Variants in MEST observed in about 807,000 individuals in gnomAD.
MEST encodes mesoderm-specific transcript homolog protein.
MEST carries 18 observed loss-of-function variants against 50.9 expected under a neutral mutation model. The ratio of observed to expected loss-of-function variants is 0.35; its 90% CI spans 0.24 to 0.52. MEST has a LOEUF of 0.52. Among genes scored for constraint, MEST ranks in the 20% least tolerant of loss-of-function variants. MEST has a pLI of 0.94. For missense variants in MEST, 282 were observed against 425.3 expected, an observed-to-expected ratio of 0.66 and a Z score of 2.96; for synonymous variants, 130 against 154.1, an observed-to-expected ratio of 0.84 and a Z score of 1.16.
At chr7:130,493,299 G>A (rs1563019974) in intron 1 of MEST, 1 of 152,108 alleles carries the variant, frequency 6.6e-6, no homozygotes, top group Non-Finnish European at 1.5e-5. Flanking sequence ...TTACGGGAGT[G>A]TGTTTTTCTG....
Position 130,500,593 on chromosome 7 carries a change from C to T in MEST, c.647+61C>T, listed in dbSNP as rs1403348863. 2 of 1,497,080 alleles carry T rather than the reference C, an allele frequency of 1.3e-6. No homozygotes were observed. Among genetic ancestry groups the T allele is most frequent in the African/African-American group, 2.8e-5 (2 of 72,636 alleles). 92.7% of individuals were successfully genotyped at this position (1,497,080 alleles called of 1,614,324 possible). A position where few individuals can be genotyped will look rare whatever the true frequency, so the allele number is the denominator to read the frequency against. Reference sequence around the variant, plus strand: ...ATGTCGTGAAAAGTTGCTGCCATTACAATTCTGGGCCAAATCCTAAGGCTT... The same window carrying T: ...ATGTCGTGAAAAGTTGCTGCCATTATAATTCTGGGCCAAATCCTAAGGCTT... On this transcript the variant is annotated intron_variant, in intron 8 of 11. Transcript: ENST00000223215. This position sits in a 1 kb window ranked among gnomAD's most constrained non-coding sequence, Gnocchi z 5.0.
chr7:130,494,662 A>C, intron 1 of MEST: 2 of 158,308 alleles, frequency 1.3e-5, no homozygotes, highest in South Asian at 2.0e-4. Flanking sequence ...TGACCTCTCA[A>C]GAGATTAGAT....
upstream of MEST, chr7:130,488,426 C>T (rs1377207825): frequency 6.6e-6 from 1 of 152,266 alleles, no homozygotes; most frequent in East Asian, 1.9e-4. Flanking sequence ...ACATTTCCTT[C>T]TTCTACTTAC....
At chr7:130,503,367 G>A (rs1181548185) in intron 10 of MEST, among the ~76,000 whole-genome samples, 1 of 152,196 alleles carries the variant, frequency 6.6e-6, no homozygotes, top group Non-Finnish European at 1.5e-5. Context: ...TTTGGTCCAG[G>A]GTGCAGGAGA....
At chr7:130,493,131 TA>T (rs1422237168) in intron 1 of MEST, 137 of 152,254 alleles carry the variant, frequency 9.0e-4, no homozygotes, top group African/African-American at 3.1e-3. Context: ...TCAGCCGCCT[TA>T]AGTATTTTTC....
Position 130,500,904 on chromosome 7 carries a change from C to G in MEST, c.749+14C>G, listed in dbSNP as rs1442317544. The G allele has an allele frequency of 4.4e-6, 7 of 1,608,338 alleles. No homozygotes were observed. In the East Asian group the frequency reaches 1.3e-4, roughly 31 times the overall value. On this transcript the variant is annotated intron_variant, in intron 9 of 11. Coordinates refer to ENST00000223215, the MANE Select transcript of MEST (RefSeq NM_002402.4). This position sits in a 1 kb window ranked among gnomAD's most constrained non-coding sequence, Gnocchi z 5.0. ...AGTCATTGACAGGTAAGAAGTTACC[C>G]TTTGCTTTGGTTTCCAGAGACGTGT...
Position 130,500,492 on chromosome 7 carries a change from A to G in MEST, c.607A>G (p.Ile203Val). The G allele has an allele frequency of 6.2e-7, 1 of 1,613,840 alleles. No individual in the cohort carries two copies. The highest frequency in any genetic ancestry group is 8.5e-7 in the Non-Finnish European group (1 of 1,179,936). ...LLKDGGVLSP[I>V]LTRLMNFFVF... is the part of the protein sequence containing the mutation. ...CAAAGATGGAGGTGTGCTGTCACCC[A>G]TCCTCACACGACTGATGAACTTCTT... The change falls in exon 8 of 12, where the codon ATC (isoleucine) becomes GTC (valine). Residue 203 changes from isoleucine (I) to valine (V), a missense_variant. Coordinates refer to ENST00000223215, the MANE Select transcript of MEST (RefSeq NM_002402.4). The surrounding 1 kb of genome is among the most constrained non-coding windows in gnomAD (Gnocchi z 5.0).
At position 130,500,794 on chromosome 7, in the gene MEST, C is replaced by A; in HGVS notation, c.653C>A (p.Thr218Asn). 3 of 1,610,118 alleles carry A rather than the reference C, an allele frequency of 1.9e-6. No homozygotes were observed. Among genetic ancestry groups the A allele is most frequent in the African/African-American group, 1.3e-5 (1 of 74,772 alleles). The change falls in exon 9 of 12, where the codon ACC (threonine) becomes AAC (asparagine). Residue 218 changes from threonine (T) to asparagine (N), a missense_variant. Physicochemically the swap from Thr to Asn is moderately conservative, Grantham distance 65. Coordinates refer to ENST00000223215, the MANE Select transcript of MEST (RefSeq NM_002402.4). This position sits in a 1 kb window ranked among gnomAD's most constrained non-coding sequence, Gnocchi z 5.0. ...MNFFVFSRGL[T>N]PVFGPYTRPS... ...TGCGTTTTGGACTCTTTCAGTCTCA[C>A]CCCAGTCTTTGGGCCGTATACTCGG...
At position 130,497,651 on chromosome 7, in the gene MEST, A is replaced by G. The variant is rs1194318518; in HGVS notation, c.262-285A>G. 9 of 389,814 alleles carry G rather than the reference A, an allele frequency of 2.3e-5. No individual in the cohort carries two copies. In the East Asian group the frequency reaches 4.1e-4, roughly 18 times the overall value. 24.1% of individuals were successfully genotyped at this position (389,814 alleles called of 1,614,324 possible). A position where few individuals can be genotyped will look rare whatever the true frequency, so the allele number is the denominator to read the frequency against. On this transcript the variant is annotated intron_variant, in intron 3 of 11. Transcript: ENST00000223215. This position sits in a 1 kb window ranked among gnomAD's most constrained non-coding sequence, Gnocchi z 4.0. Reference sequence around the variant, plus strand: ...TTGCACATTTGAATTGCTTTTAAAAAAACATTAAATGTTGAACTGTTCCTT... The same window carrying G: ...TTGCACATTTGAATTGCTTTTAAAAGAACATTAAATGTTGAACTGTTCCTT...
intron 6 of MEST, chr7:130,498,745 CAT>C (rs1314783685): frequency 3.6e-6 from 2 of 548,022 alleles, no homozygotes; most frequent in East Asian, 3.1e-5. Context: ...ATTATAGTCA[CAT>C]GTGCTTTTTC....
intron 10 of MEST, among the ~76,000 whole-genome samples, chr7:130,503,319 C>A (rs536169459): frequency 2.6e-5 from 4 of 152,130 alleles, no homozygotes; most frequent in Admixed American, 6.5e-5. Context: ...ATGATAGTAT[C>A]CTGGACTTAG....
chr7:130,492,008 A>T (rs1554435377), upstream of MEST: 3 of 132,806 alleles, frequency 2.3e-5, no homozygotes. This position sits in a 1 kb window ranked among gnomAD's most constrained non-coding sequence, Gnocchi z 7.6. Flanking sequence ...AGCAGGCGGT[A>T]GGGGTTCTGC....
chr7:130,498,620 C>G (rs1799160559), intron 6 of MEST, 143 bp downstream of exon 6: 1 of 747,460 alleles, frequency 1.3e-6, no homozygotes, highest in Admixed American at 2.4e-5. Flanking sequence ...GTGCCATCAA[C>G]TCCTTTGGTG....
At chr7:130,496,635 T>C (rs1349927050) in intron 2 of MEST, 1 of 165,556 alleles carries the variant, frequency 6.0e-6, no homozygotes, top group Non-Finnish European at 1.3e-5. Context: ...GATTTTGTAA[T>C]AGTTTTATTA....
rs1022863894 is a variant in MEST, at chr7:130,498,533, G to T, written c.535+56G>T. 2.1e-6 allele frequency: 3 copies of T among 1,456,368 alleles called. No individual in the cohort carries two copies. In the African/African-American group the frequency reaches 4.2e-5, roughly 20 times the overall value. 90.2% of individuals were successfully genotyped at this position (1,456,368 alleles called of 1,614,324 possible). ...GTGTAATCTAGAAGGGCCATCTTTA[G>T]ATACAGCGGCACCTAAATGGTAATC... On this transcript the variant is annotated intron_variant, in intron 6 of 11. Coordinates refer to ENST00000223215, the MANE Select transcript of MEST (RefSeq NM_002402.4).
At chr7:130,494,869 ACTC>A (rs1489359370) in intron 1 of MEST, 2 of 976,192 alleles carry the variant, frequency 2.0e-6, no homozygotes, top group African/African-American at 3.5e-5. Flanking sequence ...ACACACACAC[ACTC>A]TTTAAAACAT....
chr7:130,487,099 G>GAAAAA (rs201085778), upstream of MEST: 3 of 132,958 alleles, frequency 2.3e-5, no homozygotes, highest in African/African-American at 8.2e-5. Flanking sequence ...GTAGTAACAG[G>GAAAAA]AAAAAAAAAA....
chr7:130,501,982 G>A (rs916002302), intron 9 of MEST, among the ~76,000 whole-genome samples: 13 of 131,634 alleles, frequency 9.9e-5, no homozygotes, highest in Non-Finnish European at 1.5e-4. Flanking sequence ...GTGAGACTCC[G>A]TCTCAAAAAA....
intron 1 of MEST, among the ~76,000 whole-genome samples, chr7:130,493,595 G>A (rs1000811781): frequency 2.0e-5 from 3 of 152,154 alleles, no homozygotes; most frequent in Non-Finnish European, 4.4e-5. Context: ...GTGTCCAGGA[G>A]TGGAGTATGT....
Sources: allele counts gnomAD v4.1 joint callset (sites outside exome capture counted in the v4.1 genomes callset), GRCh38; gene constraint gnomAD v4.1.1; non-coding constraint Gnocchi (gnomAD v3.1); transcripts MANE v1.5; gene names NCBI Gene and HGNC (gene_info 2026-07-23, HGNC 2026-07-21).